CDK12: variants seen among roughly 807,000 people sequenced by gnomAD.
CDK12 encodes cyclin dependent kinase 12.
In CDK12, 17 loss-of-function variants were observed where a neutral mutation model predicts 133.8. The observed-to-expected ratio is 0.13, with a 90% CI of 0.09 to 0.19. CDK12 has a LOEUF of 0.19. Among genes scored for constraint, CDK12 ranks in the 10% least tolerant of loss-of-function variants. The pLI is 1.00. For synonymous variants in CDK12, 694 were observed against 683.6 expected (o/e 1.02, Z -0.24); for missense variants, 1,508 against 1,818.7 (o/e 0.83, Z 3.11).
At chr17:39,536,506 GTCTTCCT>G (rs2055141462), downstream of CDK12, among the ~76,000 whole-genome samples, 1 of 152,152 alleles carries the variant, frequency 6.6e-6, no homozygotes, top group Non-Finnish European at 1.5e-5. Context: ...TCATCTTTCT[GTCTTCCT>G]GCTTCCCCTC....
At chr17:39,516,177 AG>A (rs754069102) in intron 9 of CDK12, among the ~76,000 whole-genome samples, 1 of 152,220 alleles carries the variant, frequency 6.6e-6, no homozygotes, top group Non-Finnish European at 1.5e-5. Flanking sequence ...GATAAAAAAT[AG>A]GTCCCCGCCT....
At chr17:39,538,323 C>T (rs2055236626), downstream of CDK12, among the ~76,000 whole-genome samples, 1 of 152,100 alleles carries the variant, frequency 6.6e-6, no homozygotes, top group Admixed American at 6.5e-5. Flanking sequence ...ATTTTAGATC[C>T]AAATGATGGC....
intron 1 of CDK12, among the ~76,000 whole-genome samples, chr17:39,466,218 G>GA (rs751917624): frequency 5.3e-5 from 8 of 151,026 alleles, no homozygotes; most frequent in Non-Finnish European, 1.2e-4. Context: ...TGAGGCAGGA[G>GA]AATCGCTTGA....
Position 39,471,151 on chromosome 17 carries a change from C to A in CDK12, c.1319C>A (p.Ser440Ter), listed in dbSNP as rs2145192201. 6.3e-7 allele frequency: 1 copy of A among 1,587,206 alleles called. No homozygotes were observed. Among genetic ancestry groups the A allele is most frequent in the Non-Finnish European group, 8.5e-7 (1 of 1,170,708 alleles). Residue 440 changes from serine to a stop codon, truncating the protein, a stop_gained, in exon 2 of 14, where the codon TCA (serine) becomes TAA (stop). Coordinates refer to ENST00000447079, the MANE Select transcript of CDK12 (RefSeq NM_016507.4). LOFTEE classifies it high-confidence loss of function. ...AACAGTTCAGTAGAGGCTAAGGATT[C>A]AGGTTTGGAGTCTAAAAAGTTACCC... ...KENSSVEAKD[S>*]GLESKKLPRS...
chr17:39,471,366 A>T lies in CDK12; in HGVS notation c.1534A>T (p.Ile512Phe), dbSNP rs1201303252. ...DSKPIALKEE[I>F]VTPKETETSE... ...TAAACCCATAGCACTGAAAGAGGAGATTGTTACTCCAAAGGAGACAGAAAC... is the reference window on the plus strand; with the variant it reads ...TAAACCCATAGCACTGAAAGAGGAGTTTGTTACTCCAAAGGAGACAGAAAC... The change falls in exon 2 of 14, where the codon ATT becomes TTT. Residue 512 changes from isoleucine (I) to phenylalanine (F), a missense_variant. Ile to Phe is a conservative substitution (Grantham distance 21, BLOSUM62 0). This residue lies in a region of CDK12 where 347 missense variants were observed against 330.8 expected (regional missense o/e 1.05). Transcript: ENST00000447079. 1 of 1,614,058 alleles carries T rather than the reference A, an allele frequency of 6.2e-7. No individual in the cohort carries two copies. Among genetic ancestry groups the T allele is most frequent in the Non-Finnish European group, 8.5e-7 (1 of 1,180,000 alleles).
chr17:39,558,262 T>C (rs1259840799), intron 3 of CDK12, among the ~76,000 whole-genome samples: 2 of 152,312 alleles, frequency 1.3e-5, no homozygotes, highest in Middle Eastern at 3.4e-3. Context: ...TTCCTATGCC[T>C]CTCAAGCCAG....
chr17:39,514,729 A>G (rs935050853), intron 8 of CDK12, among the ~76,000 whole-genome samples: 1 of 152,208 alleles, frequency 6.6e-6, no homozygotes, highest in African/African-American at 2.4e-5. Flanking sequence ...AATTCATTCA[A>G]TATTTAAACC....
intron 2 of CDK12, among the ~76,000 whole-genome samples, chr17:39,477,828 C>T (rs1315036768): frequency 6.6e-6 from 1 of 152,040 alleles, no homozygotes; most frequent in East Asian, 1.9e-4. Context: ...CCACCTTGGC[C>T]TCCCAAAGTG....
chr17:39,548,924 G>C (rs905287090), upstream of CDK12: 1 of 152,608 alleles, frequency 6.6e-6, no homozygotes, highest in East Asian at 1.9e-4. Context: ...CTCCCCAGGA[G>C]GACAGCTTGA....
intron 4 of CDK12, 52 bp from the exon 5 acceptor site, chr17:39,494,472 A>G (rs2051910582): frequency 1.1e-5 from 17 of 1,541,520 alleles, no homozygotes; most frequent in African/African-American, 1.4e-5. Context: ...CTGGTTCACA[A>G]TAGTGGCCAA....
At chr17:39,479,916 T>G (rs2050501982) in intron 2 of CDK12, among the ~76,000 whole-genome samples, 1 of 116,896 alleles carries the variant, frequency 8.6e-6, no homozygotes, top group Non-Finnish European at 1.7e-5. Flanking sequence ...CGTGAGTCAC[T>G]GCACTGGCTT....
At chr17:39,539,480 G>A (rs1205546162), downstream of CDK12, among the ~76,000 whole-genome samples, 1 of 152,198 alleles carries the variant, frequency 6.6e-6, no homozygotes, top group Admixed American at 6.5e-5. Context: ...ATAAGATTGT[G>A]TTCCTCATGG....
chr17:39,485,406 C>G (rs930933049), intron 2 of CDK12, among the ~76,000 whole-genome samples: 10 of 133,858 alleles, frequency 7.5e-5, no homozygotes, highest in East Asian at 4.3e-4. Context: ...GGCATCCCCC[C>G]CCTTTTTTTT....
intron 3 of CDK12, among the ~76,000 whole-genome samples, chr17:39,558,192 CTCTGGAAAGAAAGTAGTCCCAAT>C (rs2056234028): frequency 6.6e-6 from 1 of 152,156 alleles, no homozygotes; most frequent in African/African-American, 2.4e-5. Context: ...GGTGGCCATC[CTCTGGAAAGAAAGTAGTCCCAAT>C]ACTTGACTCA....
At chr17:39,560,235 A>G (rs2056326521) in intron 3 of CDK12, among the ~76,000 whole-genome samples, 1 of 152,254 alleles carries the variant, frequency 6.6e-6, no homozygotes, top group Non-Finnish European at 1.5e-5. Context: ...GACTAATTCC[A>G]GTTTCTGGCT....
chr17:39,529,796 T>C (rs1384348245), intron 13 of CDK12: 1 of 152,218 alleles, frequency 6.6e-6, no homozygotes, highest in East Asian at 1.9e-4. Flanking sequence ...TATTTAGTTC[T>C]TGTCACCGTC....
intron 2 of CDK12, among the ~76,000 whole-genome samples, chr17:39,474,557 C>A (rs996091982): frequency 2.6e-5 from 4 of 152,096 alleles, no homozygotes; most frequent in African/African-American, 9.7e-5. Flanking sequence ...TCAAGTGATC[C>A]GCTTGCTTTG....
intron 3 of CDK12, among the ~76,000 whole-genome samples, chr17:39,491,144 A>T (rs1447101642): frequency 6.6e-6 from 1 of 152,160 alleles, no homozygotes; most frequent in Admixed American, 6.6e-5. Context: ...TAAATTGAGT[A>T]TAAATATGGG....
chr17:39,487,995 C>T (rs947098017), intron 2 of CDK12, among the ~76,000 whole-genome samples: 7 of 151,934 alleles, frequency 4.6e-5, no homozygotes, highest in Non-Finnish European at 4.4e-5. Context: ...TGGTAGGAGG[C>T]GAGGCAAGAG....
Sources: gnomAD v4.1 joint callset for allele counts (sites outside exome capture counted in the v4.1 genomes callset) on GRCh38, gnomAD v4.1.1 for gene constraint, gnomAD v4.1.1 regional missense constraint, MANE v1.5 for transcripts, NCBI Gene and HGNC (gene_info 2026-07-23, HGNC 2026-07-21) for gene names.